Variants in SMOC1 observed in about 807,000 individuals in gnomAD.
The protein encoded by SMOC1 is SPARC-related modular calcium-binding protein 1.
In SMOC1, 22 loss-of-function variants were observed where a neutral mutation model predicts 56.3. The ratio of observed to expected loss-of-function variants is 0.39; its 90% CI spans 0.28 to 0.56. The LOEUF is 0.56. Ranked by LOEUF, SMOC1 falls within the 20% of genes least tolerant of loss-of-function variation. The pLI, the probability that SMOC1 is intolerant of heterozygous loss-of-function variation, is 0.61. For synonymous variants in SMOC1, 193 were observed against 215.0 expected, an observed-to-expected ratio of 0.90 and a Z score of 0.89; for missense variants, 509 against 565.4, an observed-to-expected ratio of 0.90 and a Z score of 1.01.
rs999160238 is a variant in SMOC1, at chr14:69,954,084, C to G, written c.378+552C>G. The stretch of plus-strand genomic sequence containing the variant: ...TAAAACCTAAGTCAGGCAGTCCTAC[C>G]TCTCATCTTGCATGATCTTCTGGTT... On this transcript the variant is annotated intron_variant, in intron 3 of 11. Coordinates refer to ENST00000361956, the MANE Select transcript of SMOC1 (RefSeq NM_001034852.3). 1.2e-4 allele frequency among the ~76,000 whole-genome samples: 18 copies of G among 152,264 alleles called. No individual in the cohort carries two copies. In the East Asian group the frequency reaches 3.5e-3, roughly 29 times the overall value.
At chr14:69,892,530 T>C (rs1285017260) in intron 1 of SMOC1, among the ~76,000 whole-genome samples, 2 of 152,204 alleles carry the variant, frequency 1.3e-5, no homozygotes, top group African/African-American at 4.8e-5. Context: ...AATTTTTTTT[T>C]GTTGTTATGA....
intron 1 of SMOC1, among the ~76,000 whole-genome samples, chr14:69,913,244 C>G (rs1357927009): frequency 6.6e-6 from 1 of 152,212 alleles, no homozygotes; most frequent in African/African-American, 2.4e-5. Flanking sequence ...TGTGTGTCTT[C>G]TCCTGTGGGT....
chr14:69,999,901 A>G (rs1884904963), intron 7 of SMOC1, among the ~76,000 whole-genome samples: 1 of 152,166 alleles, frequency 6.6e-6, no homozygotes, highest in South Asian at 2.1e-4. Context: ...GTGCTGCAGG[A>G]CACAGCACTG....
intron 1 of SMOC1, among the ~76,000 whole-genome samples, chr14:69,921,315 C>G (rs940194061): frequency 6.6e-6 from 1 of 152,152 alleles, no homozygotes; most frequent in African/African-American, 2.4e-5. Context: ...CCTGACCAAC[C>G]CCTTATGTCT....
At chr14:70,006,489 C>A (rs1885151971) in intron 7 of SMOC1, among the ~76,000 whole-genome samples, 1 of 152,102 alleles carries the variant, frequency 6.6e-6, no homozygotes. Context: ...AGAAGCCCTT[C>A]AAGAATAATT....
intron 3 of SMOC1, among the ~76,000 whole-genome samples, chr14:69,972,973 C>T (rs1883827759): frequency 6.6e-6 from 1 of 152,226 alleles, no homozygotes; most frequent in African/African-American, 2.4e-5. Flanking sequence ...CAGAGGCCTA[C>T]CTTGGCCATG....
chr14:69,996,777 A>G (rs7158909), intron 7 of SMOC1, among the ~76,000 whole-genome samples: 6,394 of 152,294 alleles, frequency 0.042, 280 homozygotes, highest in African/African-American at 0.11. Flanking sequence ...ATAACTTAGG[A>G]ATCTCCTACT....
At chr14:70,008,600 C>T (rs1885224187) in intron 7 of SMOC1, among the ~76,000 whole-genome samples, 1 of 152,188 alleles carries the variant, frequency 6.6e-6, no homozygotes, top group Non-Finnish European at 1.5e-5. Context: ...CTCGGGACCC[C>T]CAGTGGTGTG....
chr14:69,890,591 A>G (rs878916532), intron 1 of SMOC1, among the ~76,000 whole-genome samples: 1 of 152,202 alleles, frequency 6.6e-6, no homozygotes, highest in Admixed American at 6.5e-5. Flanking sequence ...GCCCATCCTG[A>G]TTCCTGAGTC....
chr14:69,992,541 G>C lies in SMOC1; in HGVS notation c.583+68G>C. 2.6e-6 allele frequency: 3 copies of C among 1,172,754 alleles called. No individual in the cohort carries two copies. In the East Asian group the frequency reaches 7.0e-5, roughly 27 times the overall value. 72.6% of individuals were successfully genotyped at this position (1,172,754 alleles called of 1,614,324 possible). A position where few individuals can be genotyped will look rare whatever the true frequency, so the allele number is the denominator to read the frequency against. On this transcript the variant is annotated intron_variant, in intron 6 of 11. Transcript: ENST00000361956. ...TTTCAGGTTTGGGAAAAGTCTTAAC[G>C]TTGGATGTTTGTTTAAGTTTTATTA...
intron 10 of SMOC1, among the ~76,000 whole-genome samples, chr14:70,014,113 G>A (rs1288438941): frequency 1.3e-5 from 2 of 152,230 alleles, no homozygotes; most frequent in Non-Finnish European, 2.9e-5. Flanking sequence ...ATGCATGCAC[G>A]CATTCATCCA....
chr14:70,016,535 C>G (rs2139600683), intron 10 of SMOC1, among the ~76,000 whole-genome samples: 1 of 152,278 alleles, frequency 6.6e-6, no homozygotes, highest in East Asian at 1.9e-4. Flanking sequence ...AGAGAAACTG[C>G]TATCCAGGAA....
chr14:69,938,735 C>A (rs1444180486), intron 1 of SMOC1, among the ~76,000 whole-genome samples: 1 of 152,200 alleles, frequency 6.6e-6, no homozygotes, highest in Admixed American at 6.5e-5. Context: ...CTCCATTCAC[C>A]TCCTTTGGGG....
chr14:69,929,324 G>A (rs984117409), intron 1 of SMOC1, among the ~76,000 whole-genome samples: 2 of 152,190 alleles, frequency 1.3e-5, no homozygotes, highest in Non-Finnish European at 2.9e-5. Context: ...AGTATTTACA[G>A]TGTGCCAGGC....
intron 1 of SMOC1, among the ~76,000 whole-genome samples, chr14:69,945,063 T>A (rs1251881979): frequency 6.6e-6 from 1 of 152,148 alleles, no homozygotes; most frequent in African/African-American, 2.4e-5. Context: ...TCACAGTAAG[T>A]GACAGAAAAA....
intron 3 of SMOC1, among the ~76,000 whole-genome samples, chr14:69,971,257 A>G (rs908115506): frequency 6.6e-5 from 10 of 152,178 alleles, no homozygotes; most frequent in African/African-American, 2.4e-4. Context: ...ATCTCCAGTG[A>G]TCTGCCTGCC....
intron 1 of SMOC1, among the ~76,000 whole-genome samples, chr14:69,897,566 C>CT (rs1244861543): frequency 7.0e-6 from 1 of 142,992 alleles, no homozygotes; most frequent in African/African-American, 2.7e-5. Flanking sequence ...AGCAATTATA[C>CT]TTAAAAAAAA....
At chr14:70,024,783 CT>C (rs1247733347) in intron 11 of SMOC1, among the ~76,000 whole-genome samples, 5 of 152,154 alleles carry the variant, frequency 3.3e-5, no homozygotes, top group African/African-American at 1.2e-4. Flanking sequence ...AGACTTTAGA[CT>C]TTATAAGGGT....
chr14:69,902,018 G>C (rs1006385233), intron 1 of SMOC1, among the ~76,000 whole-genome samples: 1 of 152,202 alleles, frequency 6.6e-6, no homozygotes. Flanking sequence ...CCACCTCCCA[G>C]TTCTAGGGTG....
Sources: allele counts gnomAD v4.1 joint callset (sites outside exome capture counted in the v4.1 genomes callset), GRCh38; gene constraint gnomAD v4.1.1; transcripts MANE v1.5; gene names NCBI Gene and HGNC (gene_info 2026-07-23, HGNC 2026-07-21).